Variants in CLOCK observed in about 807,000 individuals in gnomAD.
CLOCK encodes clock circadian regulator.
Under a neutral mutation model 118.4 loss-of-function variants are expected in CLOCK, and 43 were observed. The observed-to-expected ratio is 0.36, with a 90% CI of 0.28 to 0.47. The LOEUF (loss-of-function observed/expected upper bound fraction) is 0.47. CLOCK is among the 20% of genes least tolerant of loss of function. CLOCK has a pLI of 1.00. For synonymous variants in CLOCK, 326 were observed against 339.2 expected (o/e 0.96, Z 0.43); for missense variants, 846 against 999.9 (o/e 0.85, Z 2.08).
intron 3 of CLOCK, among the ~76,000 whole-genome samples, chr4:55,486,030 T>C (rs1727278443): frequency 6.6e-6 from 1 of 152,218 alleles, no homozygotes; most frequent in South Asian, 2.1e-4. Context: ...CAGCTCAACA[T>C]GTATCACATT....
At chr4:55,535,964 G>A (rs895398029) in intron 1 of CLOCK, among the ~76,000 whole-genome samples, 2 of 152,082 alleles carry the variant, frequency 1.3e-5, no homozygotes, top group African/African-American at 4.8e-5. Flanking sequence ...TATTGTTGCT[G>A]AGGAACACAG....
chr4:55,473,007 C>T (rs182399183), intron 7 of CLOCK, among the ~76,000 whole-genome samples: 6 of 152,228 alleles, frequency 3.9e-5, no homozygotes, highest in Admixed American at 3.9e-4. Flanking sequence ...TGGTGGATCA[C>T]CTGAGGCTGA....
intron 1 of CLOCK, among the ~76,000 whole-genome samples, chr4:55,510,303 T>C (rs1446225574): frequency 5.3e-5 from 8 of 152,160 alleles, no homozygotes; most frequent in Non-Finnish European, 1.0e-4. Flanking sequence ...ATAACAGAGA[T>C]ACAAACCAGT....
intron 7 of CLOCK, among the ~76,000 whole-genome samples, chr4:55,472,461 G>A: frequency 6.6e-6 from 1 of 152,080 alleles, no homozygotes; most frequent in East Asian, 1.9e-4. Flanking sequence ...AGAAGTAGAA[G>A]ATACACAGCA....
intron 19 of CLOCK, 103 bp from the exon 20 acceptor site, chr4:55,443,999 A>T (rs1723585194): frequency 1.1e-5 from 11 of 978,824 alleles, no homozygotes; most frequent in Non-Finnish European, 1.7e-5. Context: ...TTTAAAAAGC[A>T]AGTAACAAGG....
intron 7 of CLOCK, among the ~76,000 whole-genome samples, chr4:55,473,813 T>C (rs1726307043): frequency 6.6e-6 from 1 of 152,150 alleles, no homozygotes; most frequent in African/African-American, 2.4e-5. Context: ...CCATTATTAT[T>C]ATATCTGTAA....
intron 1 of CLOCK, among the ~76,000 whole-genome samples, chr4:55,531,922 C>T (rs1203979162): frequency 6.9e-6 from 1 of 144,830 alleles, no homozygotes; most frequent in Non-Finnish European, 1.5e-5. Context: ...AAAACAAAAA[C>T]AAAAAAAACC....
intron 2 of CLOCK, among the ~76,000 whole-genome samples, chr4:55,499,183 T>C (rs559145986): frequency 5.9e-5 from 9 of 152,176 alleles, no homozygotes; most frequent in East Asian, 5.8e-4. Flanking sequence ...AACTGGCTTA[T>C]GTTCTTTTTC....
chr4:55,539,870 T>C (rs1169817874), intron 1 of CLOCK, among the ~76,000 whole-genome samples: 2 of 152,054 alleles, frequency 1.3e-5, no homozygotes, highest in Non-Finnish European at 2.9e-5. Flanking sequence ...TGCACTGCAG[T>C]GGACTACATT....
intron 2 of CLOCK, among the ~76,000 whole-genome samples, chr4:55,497,542 G>C (rs1169246430): frequency 6.6e-6 from 1 of 152,106 alleles, no homozygotes. Flanking sequence ...TGAGGGGAAA[G>C]GTGAAACATC....
chr4:55,438,474 G>A lies in CLOCK; in HGVS notation c.2169C>T (p.Val723=), dbSNP rs773225666. The stretch of plus-strand genomic sequence containing the variant: ...CCATAAGCATAGTACTAGGTACCAT[G>A]ACTGCCCCACAAGCTACAGGAGCAG... The part of the protein sequence containing the change: ...LVTAPVACGA[V]MVPSTMLMGQ... The change falls in exon 22 of 23, where the codon GTC becomes GTT. Residue 723 remains valine (V), a synonymous_variant. Coordinates refer to ENST00000513440, the MANE Select transcript of CLOCK (RefSeq NM_004898.4). The A allele has an allele frequency of 6.2e-7, 1 of 1,613,814 alleles. No homozygotes were observed.
intron 1 of CLOCK, among the ~76,000 whole-genome samples, chr4:55,512,164 T>C (rs1337457505): frequency 6.6e-6 from 1 of 152,156 alleles, no homozygotes; most frequent in Non-Finnish European, 1.5e-5. Flanking sequence ...CCTGCCAAAC[T>C]GCCTTTCAAT....
intron 1 of CLOCK, among the ~76,000 whole-genome samples, chr4:55,542,629 G>A (rs1348827870): frequency 6.6e-6 from 1 of 151,916 alleles, no homozygotes; most frequent in Admixed American, 6.6e-5. Context: ...ATGGAGGAGA[G>A]GGTAGTGCAT....
At chr4:55,508,785 A>G (rs6554280) in intron 2 of CLOCK, among the ~76,000 whole-genome samples, 88,818 of 151,800 alleles carry the variant, frequency 0.59, 27,575 homozygotes, top group South Asian at 0.81. Context: ...GTAGAGACGG[A>G]GTTTCACCGT....
Position 55,428,748 on chromosome 4 carries a change from C to G in CLOCK, c.*6667G>C, listed in dbSNP as rs545669496. 1 of 151,814 alleles carries G rather than the reference C, an allele frequency of 6.6e-6. No individual in the cohort carries two copies. The highest frequency in any genetic ancestry group is 1.5e-5 in the Non-Finnish European group (1 of 67,952). The allele number at this position is 151,814 out of a possible 1,614,324, so 9.4% of individuals were successfully genotyped here. Reference sequence around the variant, plus strand: ...AATTTGGTGCATGTTTTAACAACTACCAACTGATGTTAACAATGAAAAATT... The same window carrying G: ...AATTTGGTGCATGTTTTAACAACTAGCAACTGATGTTAACAATGAAAAATT... On this transcript the variant is annotated 3_prime_UTR_variant, in exon 23 of 23. Transcript: ENST00000513440.
At chr4:55,515,642 C>G (rs1193910737) in intron 1 of CLOCK, among the ~76,000 whole-genome samples, 9 of 152,334 alleles carry the variant, frequency 5.9e-5, no homozygotes, top group Admixed American at 5.9e-4. Flanking sequence ...CTCTGCCTCC[C>G]AAAGTGCTGG....
intron 3 of CLOCK, among the ~76,000 whole-genome samples, chr4:55,487,915 T>C (rs1217114200): frequency 6.6e-6 from 1 of 152,186 alleles, no homozygotes; most frequent in Non-Finnish European, 1.5e-5. Flanking sequence ...TCCTGTTATG[T>C]CTTTCGTAAA....
At chr4:55,520,480 T>C (rs1381143170) in intron 1 of CLOCK, among the ~76,000 whole-genome samples, 4 of 152,188 alleles carry the variant, frequency 2.6e-5, no homozygotes, top group Non-Finnish European at 5.9e-5. Flanking sequence ...TCTGCTTTTG[T>C]AGTATGAACT....
At chr4:55,490,337 T>TAC (rs1247944006) in intron 2 of CLOCK, among the ~76,000 whole-genome samples, 2 of 151,924 alleles carry the variant, frequency 1.3e-5, no homozygotes, top group East Asian at 3.8e-4. Flanking sequence ...TATATATATA[T>TAC]ACACCCAACA....
Sources: allele counts gnomAD v4.1 joint callset (sites outside exome capture counted in the v4.1 genomes callset), GRCh38; gene constraint gnomAD v4.1.1; transcripts MANE v1.5; gene names NCBI Gene and HGNC (gene_info 2026-07-23, HGNC 2026-07-21).